The following FAM13C variants were observed in gnomAD, a reference collection of about 807,000 sequenced individuals.
FAM13C encodes the protein family with sequence similarity 13 member C, also known as protein FAM13C.
Under a neutral mutation model 73.2 loss-of-function variants are expected in FAM13C, and 37 were observed. The ratio of observed to expected loss-of-function variants is 0.51; its 90% CI spans 0.39 to 0.67. The LOEUF is 0.67. Among genes scored for constraint, FAM13C ranks in the 30% least tolerant of loss-of-function variants. FAM13C has a pLI of 0.00. For synonymous variants in FAM13C, 246 were observed against 260.9 expected (o/e 0.94, Z 0.55); for missense variants, 589 against 715.6 (o/e 0.82, Z 2.02).
At position 59,302,878 on chromosome 10, in the gene FAM13C, A is replaced by C. The variant is rs756727034; in HGVS notation, c.444-14T>G. ...CTCTGGTCTATTCTATAAAATACAA[A>C]GAAAAATTATTTCCATTTAAAAGAA... On this transcript the variant is annotated splice_polypyrimidine_tract_variant and intron_variant, in intron 4 of 13. Coordinates refer to ENST00000618804, the MANE Select transcript of FAM13C (RefSeq NM_198215.4). 6.2e-7 allele frequency: 1 copy of C among 1,609,844 alleles called. No individual in the cohort carries two copies. The highest frequency in any genetic ancestry group is 8.5e-7 in the Non-Finnish European group (1 of 1,178,546).
intron 3 of FAM13C, among the ~76,000 whole-genome samples, chr10:59,332,632 T>G (rs1318261185): frequency 6.6e-6 from 1 of 152,228 alleles, no homozygotes; most frequent in Non-Finnish European, 1.5e-5. Flanking sequence ...TCTTGTTCTT[T>G]AAAATAGGTG....
At chr10:59,285,569 A>G (rs1261317844) in intron 5 of FAM13C, among the ~76,000 whole-genome samples, 3 of 152,256 alleles carry the variant, frequency 2.0e-5, no homozygotes, top group Non-Finnish European at 4.4e-5. Flanking sequence ...GAATTACCAT[A>G]TAATCCAGCA....
chr10:59,355,116 C>T (rs1361668180), intron 2 of FAM13C, among the ~76,000 whole-genome samples: 1 of 152,056 alleles, frequency 6.6e-6, no homozygotes, highest in African/African-American at 2.4e-5. Flanking sequence ...TAAGTAAATC[C>T]ACTATTTACC....
rs1806072935 is a variant in FAM13C at position 59,302,854 on chromosome 10, T to A, written c.454A>T (p.Arg152Trp). 6.2e-7 allele frequency: 1 copy of A among 1,613,814 alleles called. No individual in the cohort carries two copies. The highest frequency in any genetic ancestry group is 1.3e-5 in the African/African-American group (1 of 74,930). Residue 152 changes from arginine to tryptophan, a missense_variant, in exon 5 of 14, where the codon AGG becomes TGG. Coordinates refer to ENST00000618804, the MANE Select transcript of FAM13C (RefSeq NM_198215.4). ...TVRLQPRIDQ[R>W]TAISPKDAFE... ...GCATCCTTTGGCGAAATGGCAGTCC[T>A]CTGGTCTATTCTATAAAATACAAAG...
chr10:59,266,953 G>C (rs1218561089), intron 8 of FAM13C, among the ~76,000 whole-genome samples: 2 of 152,186 alleles, frequency 1.3e-5, no homozygotes, highest in Non-Finnish European at 2.9e-5. Flanking sequence ...ACCAAACACT[G>C]TAATAAGCAT....
At position 59,316,513 on chromosome 10, in the gene FAM13C, T is replaced by C. The variant is rs144571923; in HGVS notation, c.443+7475A>G. On this transcript the variant is annotated intron_variant, in intron 4 of 13. Coordinates refer to ENST00000618804, the MANE Select transcript of FAM13C (RefSeq NM_198215.4). Reference sequence around the variant, plus strand: ...AGTGACGGGGATGTATTTTGAGAAATGCATCCTTAGGCTATTTCGTTGTTG... The same window carrying C: ...AGTGACGGGGATGTATTTTGAGAAACGCATCCTTAGGCTATTTCGTTGTTG... 2.6e-5 allele frequency among the ~76,000 whole-genome samples: 4 copies of C among 152,296 alleles called. No individual in the cohort carries two copies. The East Asian group carries it at 7.7e-4, about 29-fold the overall frequency.
intron 10 of FAM13C, among the ~76,000 whole-genome samples, chr10:59,261,874 C>T (rs1842539706): frequency 6.6e-6 from 1 of 151,862 alleles, no homozygotes; most frequent in Admixed American, 6.6e-5. Flanking sequence ...GCTCCAGGCT[C>T]ATATATTCAA....
At chr10:59,324,170 T>C in intron 3 of FAM13C, 64 bp from the exon 4 acceptor site, 1 of 1,308,258 alleles carries the variant, frequency 7.6e-7, no homozygotes, top group Non-Finnish European at 1.1e-6. Context: ...AGCATTATTA[T>C]GCTGGAAGTG....
chr10:59,325,767 T>C (rs113473599), intron 3 of FAM13C, among the ~76,000 whole-genome samples: 3 of 152,272 alleles, frequency 2.0e-5, no homozygotes, highest in African/African-American at 7.2e-5. Context: ...AATATTGCTT[T>C]TATAAAAATT....
chr10:59,262,675 CA>C lies in FAM13C; in HGVS notation c.1025-31del, dbSNP rs760604744. On this transcript the variant is annotated intron_variant, in intron 9 of 13. Transcript: ENST00000618804. ...GAGAAATGCTATGAGTTATCATAAG[CA>C]AAGAGAACCCACTAGTTCTAAGAAT... 5.7e-6 allele frequency: 9 copies of C among 1,570,642 alleles called. No homozygotes were observed. In the South Asian group the frequency reaches 1.0e-4, roughly 18 times the overall value.
chr10:59,359,964 G>T (rs537060249), intron 1 of FAM13C, among the ~76,000 whole-genome samples: 1 of 152,180 alleles, frequency 6.6e-6, no homozygotes, highest in East Asian at 1.9e-4. Context: ...TAGATGAAAA[G>T]GTGCCACAGA....
At chr10:59,269,417 TAC>T (rs10532470) in intron 7 of FAM13C, among the ~76,000 whole-genome samples, 102,649 of 146,474 alleles carry the variant, frequency 0.7, 37,582 homozygotes, top group East Asian at 0.85. Context: ...GGCATCCGAT[TAC>T]ACACACACAC....
intron 3 of FAM13C, among the ~76,000 whole-genome samples, chr10:59,341,348 G>A (rs1853482393): frequency 6.6e-6 from 1 of 152,160 alleles, no homozygotes; most frequent in Non-Finnish European, 1.5e-5. Context: ...TTGTAGCTCA[G>A]CATGTTAAAG....
chr10:59,328,900 A>G (rs1199367150), intron 3 of FAM13C, among the ~76,000 whole-genome samples: 1 of 152,172 alleles, frequency 6.6e-6, no homozygotes, highest in Non-Finnish European at 1.5e-5. Flanking sequence ...TGAACAAGAG[A>G]AAGTGTTGTA....
At chr10:59,262,042 C>A (rs1842552904) in intron 10 of FAM13C, among the ~76,000 whole-genome samples, 1 of 152,072 alleles carries the variant, frequency 6.6e-6, no homozygotes, top group Non-Finnish European at 1.5e-5. Context: ...TATAGATCAT[C>A]CCTGCTTTAT....
chr10:59,357,868 T>G (rs1855911189), intron 1 of FAM13C, among the ~76,000 whole-genome samples: 1 of 152,198 alleles, frequency 6.6e-6, no homozygotes, highest in Non-Finnish European at 1.5e-5. Context: ...AATAAATGCC[T>G]GCATACATAA....
intron 4 of FAM13C, chr10:59,323,456 C>T (rs1264616194): frequency 6.1e-6 from 1 of 163,382 alleles, no homozygotes; most frequent in Non-Finnish European, 1.4e-5. Flanking sequence ...AGAATCTGCA[C>T]CTGCCATGCT....
chr10:59,266,612 G>A (rs1394667737), intron 8 of FAM13C, among the ~76,000 whole-genome samples: 1 of 152,204 alleles, frequency 6.6e-6, no homozygotes, highest in Non-Finnish European at 1.5e-5. Context: ...CGGTGACCAA[G>A]GAGCTTCCTT....
intron 3 of FAM13C, among the ~76,000 whole-genome samples, chr10:59,333,721 T>C (rs1447727080): frequency 7.1e-6 from 1 of 140,128 alleles, no homozygotes. Flanking sequence ...GTTTGTTTTA[T>C]TTAGTTTAGC....
Sources: gnomAD v4.1 joint callset for allele counts (sites outside exome capture counted in the v4.1 genomes callset) on GRCh38, gnomAD v4.1.1 for gene constraint, MANE v1.5 for transcripts, NCBI Gene and HGNC (gene_info 2026-07-23, HGNC 2026-07-21) for gene names.